The following RAB11FIP4 variants were observed in gnomAD, a reference collection of about 807,000 sequenced individuals.
The protein encoded by RAB11FIP4 is RAB11 family interacting protein 4, also known as rab11 family-interacting protein 4.
RAB11FIP4 carries 23 observed loss-of-function variants against 74.3 expected under a neutral mutation model. That is an observed-to-expected ratio of 0.31 (90% CI 0.22 to 0.44). The LOEUF is 0.44. RAB11FIP4 is among the 20% of genes least tolerant of loss of function. RAB11FIP4 has a pLI of 1.00. For missense variants in RAB11FIP4, 630 were observed against 863.9 expected, an observed-to-expected ratio of 0.73 and a Z score of 3.39; for synonymous variants, 360 against 359.9, an observed-to-expected ratio of 1.00 and a Z score of 0.00.
At chr17:31,486,813 A>G (rs2071907874) in intron 3 of RAB11FIP4, among the ~76,000 whole-genome samples, 1 of 152,236 alleles carries the variant, frequency 6.6e-6, no homozygotes, top group Non-Finnish European at 1.5e-5. Flanking sequence ...CCATTTGGAA[A>G]GTCCCCAGCA....
intron 10 of RAB11FIP4, chr17:31,525,603 G>C (rs2072752188): frequency 4.4e-6 from 1 of 229,270 alleles, no homozygotes; most frequent in South Asian, 7.7e-5. Context: ...TGGAAAACCC[G>C]GCTCCTGTGC....
intron 3 of RAB11FIP4, among the ~76,000 whole-genome samples, chr17:31,501,124 C>G (rs1467961677): frequency 1.3e-5 from 2 of 151,148 alleles, no homozygotes; most frequent in Non-Finnish European, 2.9e-5. Context: ...TTGATTTCAA[C>G]AAAATATCAT....
chr17:31,496,117 C>T (rs956072618), intron 3 of RAB11FIP4, among the ~76,000 whole-genome samples: 3 of 152,222 alleles, frequency 2.0e-5, no homozygotes, highest in African/African-American at 7.2e-5. Context: ...CTCTGGGGAA[C>T]TTATATAATT....
Position 31,405,317 on chromosome 17 carries a change from C to T in RAB11FIP4, c.159+13306C>T, listed in dbSNP as rs114485025. ...AGGTGGCACTCATAGGCCTGCCAAG[C>T]TCACGCAGCCTCAGGGCCTGCCCTT... On this transcript the variant is annotated intron_variant, in intron 1 of 14. Transcript: ENST00000621161. Among the ~76,000 whole-genome samples, 1,430 of 152,230 alleles carry T rather than the reference C, an allele frequency of 9.4e-3. 19 individuals carry two copies. The highest frequency in any genetic ancestry group is 0.033 in the African/African-American group (1,368 of 41,540).
chr17:31,394,790 C>T (rs1037483578), intron 1 of RAB11FIP4, among the ~76,000 whole-genome samples: 5 of 152,168 alleles, frequency 3.3e-5, no homozygotes, highest in African/African-American at 4.8e-5. Context: ...GACAGGGCCC[C>T]GAGGCACTTG....
intron 1 of RAB11FIP4, among the ~76,000 whole-genome samples, chr17:31,404,763 G>A (rs2071027399): frequency 6.6e-6 from 1 of 152,168 alleles, no homozygotes; most frequent in Non-Finnish European, 1.5e-5. Context: ...AGACCTGCGG[G>A]AAGGGTGCGG....
At chr17:31,487,978 CCCCGGCGCGAGG>C (rs2071929190) in intron 3 of RAB11FIP4, 1 of 945,854 alleles carries the variant, frequency 1.1e-6, no homozygotes, top group Non-Finnish European at 1.3e-6. Flanking sequence ...CCCCGCCCCG[CCCCGGCGCGAGG>C]CCCCGCCCCC....
intron 3 of RAB11FIP4, among the ~76,000 whole-genome samples, chr17:31,508,033 T>G (rs773873953): frequency 6.6e-6 from 1 of 152,074 alleles, no homozygotes; most frequent in Non-Finnish European, 1.5e-5. Flanking sequence ...TCACCATGTT[T>G]CCTATGCTAG....
chr17:31,420,258 T>C (rs1208955225), intron 1 of RAB11FIP4, among the ~76,000 whole-genome samples: 1 of 152,072 alleles, frequency 6.6e-6, no homozygotes, highest in Non-Finnish European at 1.5e-5. Flanking sequence ...CGAGACAAGG[T>C]CACACTCTGT....
intron 3 of RAB11FIP4, among the ~76,000 whole-genome samples, chr17:31,461,252 G>A (rs1434185026): frequency 2.6e-5 from 4 of 152,032 alleles, no homozygotes; most frequent in African/African-American, 7.3e-5. Flanking sequence ...CACAAGCCTG[G>A]GCCTGGCCTT....
At chr17:31,530,517 A>G in intron 14 of RAB11FIP4, 48 bp downstream of exon 14, 1 of 1,594,586 alleles carries the variant, frequency 6.3e-7, no homozygotes, top group East Asian at 2.3e-5. Context: ...GCCCTCTGTG[A>G]TTCCTTCTCC....
chr17:31,396,615 G>T (rs1255608372), intron 1 of RAB11FIP4, among the ~76,000 whole-genome samples: 1 of 152,166 alleles, frequency 6.6e-6, no homozygotes, highest in African/African-American at 2.4e-5. Context: ...TTGAGGTCAA[G>T]ATCTGGCACC....
intron 3 of RAB11FIP4, among the ~76,000 whole-genome samples, chr17:31,484,206 G>T (rs1308644924): frequency 6.6e-6 from 1 of 151,758 alleles, no homozygotes. Flanking sequence ...GAGTGTCTGG[G>T]ATTACAAGCG....
chr17:31,501,292 A>C (rs2072216067), intron 3 of RAB11FIP4, among the ~76,000 whole-genome samples: 1 of 151,178 alleles, frequency 6.6e-6, no homozygotes. Context: ...TTACGTCCTG[A>C]TAAACCCATT....
chr17:31,526,998 G>A (rs918700836), intron 10 of RAB11FIP4: 3 of 152,246 alleles, frequency 2.0e-5, no homozygotes, highest in Non-Finnish European at 4.4e-5. Flanking sequence ...GATTCCCTTT[G>A]TGGAATTCCT....
intron 3 of RAB11FIP4, among the ~76,000 whole-genome samples, chr17:31,498,538 C>T (rs920704481): frequency 2.0e-5 from 3 of 152,196 alleles, no homozygotes; most frequent in Admixed American, 2.0e-4. Context: ...CCCTGACCTG[C>T]CTGCTCCAGA....
intron 3 of RAB11FIP4, chr17:31,488,411 C>G (rs1037216907): frequency 1.0e-6 from 1 of 969,132 alleles, no homozygotes; most frequent in Non-Finnish European, 1.3e-6. Context: ...CTCGTTCGGC[C>G]GCGAGTAGAA....
At chr17:31,433,919 C>A in intron 2 of RAB11FIP4, 115 bp from the exon 3 acceptor site, 1 of 985,494 alleles carries the variant, frequency 1.0e-6, no homozygotes, top group Non-Finnish European at 1.5e-6. Context: ...CCTCCTGGAG[C>A]CTCGGGCCCC....
intron 3 of RAB11FIP4, 31 bp from the exon 4 acceptor site, chr17:31,517,620 A>C: frequency 6.4e-7 from 1 of 1,566,154 alleles, no homozygotes; most frequent in East Asian, 2.3e-5. Context: ...AGCTGGCCTC[A>C]CTTATCTTGT....
Sources: gnomAD v4.1 joint callset for allele counts (sites outside exome capture counted in the v4.1 genomes callset) on GRCh38, gnomAD v4.1.1 for gene constraint, MANE v1.5 for transcripts, NCBI Gene and HGNC (gene_info 2026-07-23, HGNC 2026-07-21) for gene names.